The following TNFRSF8 variants were observed in gnomAD, a reference collection of about 807,000 sequenced individuals.
TNFRSF8 encodes tumor necrosis factor receptor superfamily member 8.
TNFRSF8 carries 26 observed loss-of-function variants against 70.8 expected under a neutral mutation model. That is an observed-to-expected ratio of 0.37 (90% CI 0.27 to 0.51). TNFRSF8 has a LOEUF of 0.51. TNFRSF8 is among the 20% of genes least tolerant of loss of function. The probability of loss-of-function intolerance (pLI) is 0.94; values close to 1 mark genes in which losing one functional copy is unlikely to be tolerated. For missense variants in TNFRSF8, 720 were observed against 807.9 expected, an observed-to-expected ratio of 0.89 and a Z score of 1.32; for synonymous variants, 356 against 339.2, an observed-to-expected ratio of 1.05 and a Z score of -0.54.
chr1:12,138,631 G>A lies in TNFRSF8; in HGVS notation c.1543+195G>A, dbSNP rs115068326. Among the ~76,000 whole-genome samples the A allele has an allele frequency of 2.1e-3, 323 of 152,288 alleles. 1 individual carries two copies. Among genetic ancestry groups the A allele is most frequent in the African/African-American group, 7.6e-3 (315 of 41,564 alleles). The stretch of plus-strand genomic sequence containing the variant: ...GGGTACTTACCTCGTAGGCCATTGT[G>A]CGGATTCATGAGCCAGTGTGCATGA... On this transcript the variant is annotated intron_variant, in intron 14 of 14. Coordinates refer to ENST00000263932, the MANE Select transcript of TNFRSF8 (RefSeq NM_001243.5). The surrounding 1 kb of genome is among the most constrained non-coding windows in gnomAD (Gnocchi z 5.7).
rs1000845077 is a variant in TNFRSF8, at chr1:12,112,169, G to A, written c.793+155G>A. 1.2e-4 allele frequency among the ~76,000 whole-genome samples: 19 copies of A among 152,300 alleles called. 1 individual carries two copies. The South Asian group carries it at 3.9e-3, about 32-fold the overall frequency. On this transcript the variant is annotated intron_variant, in intron 7 of 14. Coordinates refer to ENST00000263932, the MANE Select transcript of TNFRSF8 (RefSeq NM_001243.5). This position sits in a 1 kb window ranked among gnomAD's most constrained non-coding sequence, Gnocchi z 5.3. ...TTGGCATATTATTTCCTTCCAGGAA[G>A]CGTTTGTGAATCACCCACCTGTTCC...
intron 1 of TNFRSF8, among the ~76,000 whole-genome samples, chr1:12,076,014 C>G (rs1449283138): frequency 1.3e-5 from 2 of 149,910 alleles, no homozygotes; most frequent in Admixed American, 1.3e-4. Flanking sequence ...ATCCCAGAAC[C>G]CTTAAATACC....
In TNFRSF8 at chr1:12,110,678, C is replaced by T. The variant is rs11121867; in HGVS notation, c.676+474C>T. Among the ~76,000 whole-genome samples, 2 of 151,924 alleles carry T rather than the reference C, an allele frequency of 1.3e-5. No homozygotes were observed. Among genetic ancestry groups the T allele is most frequent in the African/African-American group, 4.8e-5 (2 of 41,332 alleles). ...CAGTGGCGCAATCTCGGCTCACTGC[C>T]ACCTCCACCTCCTGGGTTCAAGCGA... On this transcript the variant is annotated intron_variant, in intron 6 of 14. Transcript: ENST00000263932. The surrounding 1 kb of genome is among the most constrained non-coding windows in gnomAD (Gnocchi z 4.0).
rs1000130287 is a variant in TNFRSF8 at position 12,112,069 on chromosome 1, G to T, written c.793+55G>T. ...GTTTACCTCTCTGCATTTTTGAACC[G>T]TGAACTTCCAGTAACTACTCCCCCT... On this transcript the variant is annotated intron_variant, in intron 7 of 14. Coordinates refer to ENST00000263932, the MANE Select transcript of TNFRSF8 (RefSeq NM_001243.5). This position sits in a 1 kb window ranked among gnomAD's most constrained non-coding sequence, Gnocchi z 5.3. 36 of 1,365,016 alleles carry T rather than the reference G, an allele frequency of 2.6e-5. No individual in the cohort carries two copies. Among genetic ancestry groups the T allele is most frequent in the Non-Finnish European group, 3.4e-5 (33 of 965,230 alleles). The allele number at this position is 1,365,016 out of a possible 1,614,324, so 84.6% of individuals were successfully genotyped here.
rs996777663 is a variant in TNFRSF8 at position 12,112,504 on chromosome 1, C to T, written c.793+490C>T. ...TCCCAGGATCACATGATCCTTTTGCCTCAGCCTTTCAAGTGGCTGGGACTA... is the reference window on the plus strand; with the variant it reads ...TCCCAGGATCACATGATCCTTTTGCTTCAGCCTTTCAAGTGGCTGGGACTA... On this transcript the variant is annotated intron_variant, in intron 7 of 14. Transcript: ENST00000263932. This position sits in a 1 kb window ranked among gnomAD's most constrained non-coding sequence, Gnocchi z 5.3. Among the ~76,000 whole-genome samples the T allele has an allele frequency of 1.3e-5, 2 of 152,060 alleles. No homozygotes were observed. Among genetic ancestry groups the T allele is most frequent in the African/African-American group, 4.8e-5 (2 of 41,412 alleles).
At chr1:12,102,119 A>C (rs186372352) in intron 3 of TNFRSF8, among the ~76,000 whole-genome samples, 31 of 152,200 alleles carry the variant, frequency 2.0e-4, no homozygotes, top group African/African-American at 7.0e-4. Flanking sequence ...TGCTCTTTGC[A>C]TTCAGAGCTC....
intron 1 of TNFRSF8, among the ~76,000 whole-genome samples, chr1:12,076,097 C>CTTTTTTTTT (rs397829917): frequency 7.2e-6 from 1 of 139,482 alleles, no homozygotes; most frequent in Admixed American, 7.3e-5. Flanking sequence ...TTTTTTTTTT[C>CTTTTTTTTT]TTTTTCTTTT....
intron 1 of TNFRSF8, among the ~76,000 whole-genome samples, chr1:12,069,842 C>T (rs1008268280): frequency 1.7e-4 from 26 of 152,138 alleles, no homozygotes; most frequent in African/African-American, 4.6e-4. Flanking sequence ...GTGAGAGAGA[C>T]GGGCGGCTCC....
intron 14 of TNFRSF8, among the ~76,000 whole-genome samples, chr1:12,140,334 C>A (rs1205768560): frequency 6.6e-6 from 1 of 152,188 alleles, no homozygotes; most frequent in Non-Finnish European, 1.5e-5. Flanking sequence ...GGTAGCGTTC[C>A]CCCTTCCCAT....
chr1:12,102,559 T>C (rs1288756950), intron 3 of TNFRSF8, among the ~76,000 whole-genome samples: 2 of 152,218 alleles, frequency 1.3e-5, no homozygotes, highest in Non-Finnish European at 2.9e-5. Context: ...GGAGTCTCGC[T>C]CTTTTGCCCA....
At chr1:12,081,366 C>G (rs1641059571) in intron 1 of TNFRSF8, among the ~76,000 whole-genome samples, 1 of 152,152 alleles carries the variant, frequency 6.6e-6, no homozygotes, top group Non-Finnish European at 1.5e-5. Context: ...GCCCTCACAC[C>G]TCCAGCCAGC....
chr1:12,142,442 C>T lies in TNFRSF8; in HGVS notation c.1699C>T (p.Pro567Ser). Residue 567 changes from proline to serine, a missense_variant, in exon 15 of 15, where the codon CCG (proline) becomes TCG (serine). Pro to Ser is a moderately conservative substitution (Grantham distance 74). Coordinates refer to ENST00000263932, the MANE Select transcript of TNFRSF8 (RefSeq NM_001243.5). This position sits in a 1 kb window ranked among gnomAD's most constrained non-coding sequence, Gnocchi z 5.0. ...TPHYPEQETE[P>S]PLGSCSDVML... ...CCACTACCCCGAGCAGGAGACAGAACCGCCTCTGGGCAGCTGCAGCGATGT... is the reference window on the plus strand; with the variant it reads ...CCACTACCCCGAGCAGGAGACAGAATCGCCTCTGGGCAGCTGCAGCGATGT... 6.2e-7 allele frequency: 1 copy of T among 1,613,076 alleles called. No individual in the cohort carries two copies. The highest frequency in any genetic ancestry group is 8.5e-7 in the Non-Finnish European group (1 of 1,179,708).
chr1:12,107,555 A>G (rs1641546679), intron 4 of TNFRSF8, among the ~76,000 whole-genome samples: 1 of 128,296 alleles, frequency 7.8e-6, no homozygotes, highest in African/African-American at 3.6e-5. Context: ...TATTTTAGAT[A>G]TACTGGGTTA....
intron 8 of TNFRSF8, among the ~76,000 whole-genome samples, chr1:12,120,606 G>A (rs1438367466): frequency 6.6e-6 from 1 of 152,190 alleles, no homozygotes; most frequent in African/African-American, 2.4e-5. Context: ...TTCTTTAAAT[G>A]GCCCAAGGAC....
intron 10 of TNFRSF8, 181 bp from the exon 11 acceptor site, chr1:12,125,770 C>A: frequency 1.5e-6 from 1 of 646,504 alleles, no homozygotes; most frequent in East Asian, 2.6e-5. Flanking sequence ...AATAGTTGAT[C>A]AGCTTCCTGG....
intron 12 of TNFRSF8, among the ~76,000 whole-genome samples, chr1:12,134,555 G>A (rs1148471): frequency 0.52 from 79,130 of 152,034 alleles, 20,944 homozygotes; most frequent in Admixed American, 0.63. Flanking sequence ...GAGGTTGTGC[G>A]TTGAGAATCA....
chr1:12,068,669 G>A (rs1640784739), intron 1 of TNFRSF8, among the ~76,000 whole-genome samples: 1 of 152,106 alleles, frequency 6.6e-6, no homozygotes, highest in Non-Finnish European at 1.5e-5. Context: ...TGACATGCAA[G>A]TATTCATGCA....
chr1:12,087,496 C>T (rs1232119050), intron 2 of TNFRSF8, among the ~76,000 whole-genome samples: 8 of 152,192 alleles, frequency 5.3e-5, no homozygotes, highest in Non-Finnish European at 1.0e-4. Flanking sequence ...ACATGCCTGT[C>T]CCCATGTGGG....
intron 3 of TNFRSF8, among the ~76,000 whole-genome samples, chr1:12,103,854 T>C (rs1271919253): frequency 8.5e-5 from 13 of 152,234 alleles, no homozygotes; most frequent in Admixed American, 8.5e-4. Context: ...GACCTGATAA[T>C]GATGCATTAT....
Sources: gnomAD v4.1 joint callset for allele counts (sites outside exome capture counted in the v4.1 genomes callset) on GRCh38, gnomAD v4.1.1 for gene constraint, Gnocchi (gnomAD v3.1) non-coding constraint, MANE v1.5 for transcripts, NCBI Gene and HGNC (gene_info 2026-07-23, HGNC 2026-07-21) for gene names.